The following SNX31 variants were observed in gnomAD, a reference collection of about 807,000 sequenced individuals.
The protein encoded by SNX31 is sorting nexin-31.
In SNX31, 58 loss-of-function variants were observed where a neutral mutation model predicts 65.4. The observed-to-expected ratio is 0.89, with a 90% confidence interval of 0.72 to 1.10. The LOEUF (loss-of-function observed/expected upper bound fraction) is 1.10. Ranked by LOEUF, SNX31 falls within the 50% of genes least tolerant of loss-of-function variation. The pLI, the probability that SNX31 is intolerant of heterozygous loss-of-function variation, is 0.00. For missense variants in SNX31, 523 were observed against 529.7 expected (o/e 0.99, Z 0.12); for synonymous variants, 181 against 190.1 (o/e 0.95, Z 0.39).
intron 2 of SNX31, among the ~76,000 whole-genome samples, chr8:100,636,365 C>G (rs577246120): frequency 6.6e-6 from 1 of 152,166 alleles, no homozygotes; most frequent in Non-Finnish European, 1.5e-5. Context: ...TCAATTACAA[C>G]GGGAATTAAA....
chr8:100,615,871 G>A (rs1027156821), intron 5 of SNX31, among the ~76,000 whole-genome samples: 10 of 152,256 alleles, frequency 6.6e-5, no homozygotes, highest in Non-Finnish European at 7.4e-5. Context: ...CCGGGTTCAC[G>A]CCATTCTCCT....
chr8:100,636,539 A>G (rs1482053476), intron 2 of SNX31, among the ~76,000 whole-genome samples: 1 of 152,268 alleles, frequency 6.6e-6, no homozygotes, highest in Non-Finnish European at 1.5e-5. Flanking sequence ...TTCAAAGAAA[A>G]GAGAATGTAA....
chr8:100,642,345 TCGTAAA>T (rs1173881237), intron 2 of SNX31, among the ~76,000 whole-genome samples: 1 of 146,252 alleles, frequency 6.8e-6, no homozygotes, highest in East Asian at 1.9e-4. Context: ...TGGCATGTGT[TCGTAAA>T]TGTCGCAGAT....
chr8:100,658,786 G>A (rs113793954), intron 1 of SNX31, among the ~76,000 whole-genome samples: 8 of 152,256 alleles, frequency 5.3e-5, no homozygotes, highest in East Asian at 1.9e-4. Flanking sequence ...AGATGCTTCC[G>A]GGATCACCAT....
chr8:100,656,412 G>C (rs1480606991), intron 1 of SNX31, among the ~76,000 whole-genome samples: 1 of 152,012 alleles, frequency 6.6e-6, no homozygotes. Flanking sequence ...GGCCAAGGCA[G>C]GCAGATCACC....
chr8:100,663,165 T>C (rs1212641223), exon 1 of SNX31: 1 of 152,236 alleles, frequency 6.6e-6, no homozygotes, highest in African/African-American at 2.4e-5. Context: ...CGTTTGCTAC[T>C]TGAACGACGG....
chr8:100,649,651 C>G lies in SNX31; in HGVS notation c.-137G>C, dbSNP rs11782007. ...AGCGAACCCCGGCGCCCGCTCTCGC[C>G]GGCCGGGGACATCTACAGGTGGGGC... On this transcript the variant is annotated 5_prime_UTR_variant, in exon 1 of 14. Coordinates refer to ENST00000311812, the MANE Select transcript of SNX31 (RefSeq NM_152628.4). 280,601 of 791,804 alleles carry G rather than the reference C, an allele frequency of 0.35. 52,208 individuals are homozygous for G. The highest frequency in any genetic ancestry group is 0.52 in the African/African-American group (27,917 of 54,126). The allele number at this position is 791,804 out of a possible 1,614,324, so 49.0% of individuals were successfully genotyped here.
intron 4 of SNX31, 34 bp from the exon 5 acceptor site, chr8:100,617,764 CA>C (rs748368921): frequency 8.8e-5 from 132 of 1,508,456 alleles, no homozygotes; most frequent in Admixed American, 3.4e-4. Flanking sequence ...TAAATTTCCA[CA>C]CCTTTTTTTT....
chr8:100,581,325 C>CTATATATATATATATA (rs1401988460), intron 12 of SNX31, among the ~76,000 whole-genome samples: 59 of 129,308 alleles, frequency 4.6e-4, no homozygotes, highest in South Asian at 6.9e-4. Context: ...ATATCTATAT[C>CTATATATATATATATA]TATCTATCTA....
intron 2 of SNX31, among the ~76,000 whole-genome samples, chr8:100,640,976 T>C (rs1046589785): frequency 6.6e-6 from 1 of 152,184 alleles, no homozygotes; most frequent in Admixed American, 6.5e-5. Flanking sequence ...TACTGATTTG[T>C]TAATTGTAAT....
rs1196980835 is a variant in SNX31, at chr8:100,649,291, G to T, written c.124C>A (p.His42Asn). The T allele has an allele frequency of 6.2e-7, 1 of 1,614,068 alleles. No homozygotes were observed. Among genetic ancestry groups the T allele is most frequent in the Non-Finnish European group, 8.5e-7 (1 of 1,179,938 alleles). The change falls in exon 2 of 14, where the codon CAC (histidine) becomes AAC (asparagine). Residue 42 changes from histidine (H) to asparagine (N), a missense_variant. Transcript: ENST00000311812. ...LFCRVRYSQL[H>N]GWNEQLRRVF... ...CTGCTCACCTGTTCGTTCCAACCGT[G>T]CAGCTGGCTGTAGCGCACCCTGCAG...
Position 100,592,519 on chromosome 8 carries a change from G to A in SNX31, c.979-3540C>T, listed in dbSNP as rs528216895. Among the ~76,000 whole-genome samples, 20 of 152,344 alleles carry A rather than the reference G, an allele frequency of 1.3e-4. 1 individual carries two copies. The highest frequency in any genetic ancestry group is 4.8e-4 in the African/African-American group (20 of 41,592). ...GGAGAAATCAAAACCCTCCACTGCT[G>A]CTGGGGATATAAAATGGTGCAGCCA... On this transcript the variant is annotated intron_variant, in intron 10 of 13. Coordinates refer to ENST00000311812, the MANE Select transcript of SNX31 (RefSeq NM_152628.4).
At chr8:100,581,915 C>G (rs781137345) in intron 12 of SNX31, among the ~76,000 whole-genome samples, 2 of 152,138 alleles carry the variant, frequency 1.3e-5, no homozygotes, top group African/African-American at 2.4e-5. Flanking sequence ...TCCCCTCTAC[C>G]CAGAGCTTTG....
intron 4 of SNX31, chr8:100,618,587 A>G: frequency 1.8e-6 from 1 of 543,350 alleles, no homozygotes; most frequent in Non-Finnish European, 3.2e-6. Flanking sequence ...ATGGGGCCCA[A>G]GTTACCCACA....
chr8:100,584,535 AATT>A (rs1412460781), intron 11 of SNX31, among the ~76,000 whole-genome samples: 1 of 152,076 alleles, frequency 6.6e-6, no homozygotes, highest in Non-Finnish European at 1.5e-5. Context: ...AATAAAAACT[AATT>A]ATTATTATTA....
intron 10 of SNX31, among the ~76,000 whole-genome samples, chr8:100,593,153 C>T (rs761327937): frequency 2.0e-5 from 3 of 152,062 alleles, no homozygotes; most frequent in Admixed American, 1.3e-4. Context: ...ACCATTGAAT[C>T]GTATACTTTA....
At chr8:100,663,532 A>G (rs916491627), upstream of SNX31, 2 of 151,696 alleles carry the variant, frequency 1.3e-5, no homozygotes, top group Non-Finnish European at 2.9e-5. Context: ...TGAAGCAGTC[A>G]CAGTGGAGCC....
intron 2 of SNX31, among the ~76,000 whole-genome samples, chr8:100,647,822 C>T (rs1819742031): frequency 6.6e-6 from 1 of 152,194 alleles, no homozygotes; most frequent in Admixed American, 6.5e-5. Context: ...CTGCCTCCCC[C>T]TGCCAATGCC....
rs1468844439 is a variant in SNX31, at chr8:100,625,289, A to G, written c.321+5038T>C. ...TGCTCTGAGGCAGAGGAACATTCTTAAGAATGTTTTCCATTTCCCTTGTAG... is the reference window on the plus strand; with the variant it reads ...TGCTCTGAGGCAGAGGAACATTCTTGAGAATGTTTTCCATTTCCCTTGTAG... On this transcript the variant is annotated intron_variant, in intron 4 of 13. Coordinates refer to ENST00000311812, the MANE Select transcript of SNX31 (RefSeq NM_152628.4). The surrounding 1 kb of genome is among the most constrained non-coding windows in gnomAD (Gnocchi z 4.2). Among the ~76,000 whole-genome samples, 1 of 150,998 alleles carries G rather than the reference A, an allele frequency of 6.6e-6. No homozygotes were observed. The highest frequency in any genetic ancestry group is 2.4e-5 in the African/African-American group (1 of 41,190).
Sources: allele counts gnomAD v4.1 joint callset (sites outside exome capture counted in the v4.1 genomes callset), GRCh38; gene constraint gnomAD v4.1.1; non-coding constraint Gnocchi (gnomAD v3.1); transcripts MANE v1.5; gene names NCBI Gene and HGNC (gene_info 2026-07-23, HGNC 2026-07-21).